SLC24A2: variants seen among roughly 807,000 people sequenced by gnomAD.
The protein encoded by SLC24A2 is solute carrier family 24 member 2.
SLC24A2 carries 36 observed loss-of-function variants against 62.0 expected under a neutral mutation model. The observed-to-expected ratio is 0.58, with a 90% confidence interval of 0.44 to 0.77. The LOEUF is 0.77. Ranked by LOEUF, SLC24A2 falls within the 30% of genes least tolerant of loss-of-function variation. The pLI, the probability that SLC24A2 is intolerant of heterozygous loss-of-function variation, is 0.00. For synonymous variants in SLC24A2, 358 were observed against 294.0 expected, an observed-to-expected ratio of 1.22 and a Z score of -2.23; for missense variants, 846 against 817.9, an observed-to-expected ratio of 1.03 and a Z score of -0.42.
chr9:19,649,742 GA>G (rs1818745757), intron 2 of SLC24A2, among the ~76,000 whole-genome samples: 1 of 152,214 alleles, frequency 6.6e-6, no homozygotes, highest in South Asian at 2.1e-4. Flanking sequence ...ATGGACAGCG[GA>G]AAGAAATAAG....
the SLC24A2 span, among the ~76,000 whole-genome samples, chr9:19,856,149 T>C: frequency 6.6e-6 from 1 of 152,230 alleles, no homozygotes; most frequent in Non-Finnish European, 1.5e-5. Context: ...TTTATGTTCC[T>C]CTCTAAACTG....
At chr9:19,914,102 G>A in the SLC24A2 span, among the ~76,000 whole-genome samples, 5 of 152,022 alleles carry the variant, frequency 3.3e-5, no homozygotes, top group Non-Finnish European at 5.9e-5. Context: ...TATCTAGTCC[G>A]TTACCAAATA....
the SLC24A2 span, among the ~76,000 whole-genome samples, chr9:19,812,739 G>C: frequency 1.3e-5 from 2 of 151,570 alleles, no homozygotes; most frequent in South Asian, 2.1e-4. Flanking sequence ...TTTATTACTA[G>C]ATAGCCTCCA....
Position 19,777,435 on chromosome 9 carries a change from G to T in SLC24A2, c.930+8502C>A, listed in dbSNP as rs75330724. Among the ~76,000 whole-genome samples the T allele has an allele frequency of 3.7e-3, 556 of 152,208 alleles. 2 individuals carry two copies. The highest frequency in any genetic ancestry group is 6.1e-3 in the Non-Finnish European group (416 of 67,994). On this transcript the variant is annotated intron_variant, in intron 2 of 10. Coordinates refer to ENST00000341998, the MANE Select transcript of SLC24A2 (RefSeq NM_020344.4). ...CTTGACCCAGAAATTCTGCTTCTAC[G>T]AAATCAGAAATTCATGTGTAAAGCT...
intron 4 of SLC24A2, among the ~76,000 whole-genome samples, chr9:19,608,483 G>C (rs1837052913): frequency 6.6e-6 from 1 of 152,318 alleles, no homozygotes. Flanking sequence ...AGACAGATGT[G>C]TGAACATGTG....
the SLC24A2 span, among the ~76,000 whole-genome samples, chr9:20,276,948 G>T: frequency 6.6e-6 from 1 of 152,192 alleles, no homozygotes; most frequent in East Asian, 1.9e-4. Flanking sequence ...CCTGGCCCAT[G>T]AAACCATTTT....
At chr9:20,147,153 C>T in the SLC24A2 span, among the ~76,000 whole-genome samples, 31 of 152,204 alleles carry the variant, frequency 2.0e-4, no homozygotes, top group African/African-American at 7.2e-4. Flanking sequence ...ACGAACTCAC[C>T]ACAAATGAAG....
intron 2 of SLC24A2, chr9:19,705,268 A>G (rs781383171): frequency 1.3e-5 from 2 of 152,510 alleles, no homozygotes; most frequent in Non-Finnish European, 2.9e-5. Context: ...TAAAAAGTTG[A>G]CTGATTGGGA....
intron 2 of SLC24A2, among the ~76,000 whole-genome samples, chr9:19,689,059 C>A (rs900448981): frequency 2.0e-5 from 3 of 152,100 alleles, no homozygotes; most frequent in African/African-American, 7.2e-5. Flanking sequence ...TTGCTTTAAT[C>A]CCCAGCTATT....
chr9:20,095,356 A>T, the SLC24A2 span, among the ~76,000 whole-genome samples: 1 of 152,222 alleles, frequency 6.6e-6, no homozygotes, highest in African/African-American at 2.4e-5. Flanking sequence ...CAGGGTGCCT[A>T]GATATTTGGT....
the SLC24A2 span, among the ~76,000 whole-genome samples, chr9:19,866,006 A>G: frequency 1.5e-4 from 23 of 152,230 alleles, no homozygotes; most frequent in Non-Finnish European, 3.1e-4. Flanking sequence ...TTGGGGGGAA[A>G]AATCTAATAA....
At chr9:20,244,203 A>G in the SLC24A2 span, among the ~76,000 whole-genome samples, 1 of 152,328 alleles carries the variant, frequency 6.6e-6, no homozygotes, top group Non-Finnish European at 1.5e-5. Flanking sequence ...AAAAGAAAAG[A>G]AAATATAAAC....
intron 2 of SLC24A2, among the ~76,000 whole-genome samples, chr9:19,736,490 G>A (rs919604643): frequency 6.6e-6 from 1 of 152,034 alleles, no homozygotes; most frequent in Non-Finnish European, 1.5e-5. Context: ...AAGAAGTCTG[G>A]TTTAGCAATA....
the SLC24A2 span, among the ~76,000 whole-genome samples, chr9:20,046,338 G>T: frequency 2.0e-5 from 3 of 152,190 alleles, no homozygotes; most frequent in Non-Finnish European, 4.4e-5. Flanking sequence ...AGACCCAGAA[G>T]GTTTCTCTGT....
At chr9:19,802,118 G>A in the SLC24A2 span, among the ~76,000 whole-genome samples, 1 of 152,328 alleles carries the variant, frequency 6.6e-6, no homozygotes, top group East Asian at 1.9e-4. Context: ...ATTGTAGGAT[G>A]TCTCAACAAC....
chr9:19,652,442 G>A (rs761255756), intron 2 of SLC24A2, among the ~76,000 whole-genome samples: 1 of 152,094 alleles, frequency 6.6e-6, no homozygotes, highest in Non-Finnish European at 1.5e-5. Flanking sequence ...GTCCTCATAA[G>A]AGGGAGGCAA....
At chr9:20,009,662 C>T in the SLC24A2 span, among the ~76,000 whole-genome samples, 1 of 152,144 alleles carries the variant, frequency 6.6e-6, no homozygotes, top group Admixed American at 6.5e-5. Context: ...GAACATCTGT[C>T]CCTGTCCAAT....
the SLC24A2 span, among the ~76,000 whole-genome samples, chr9:19,939,192 A>G: frequency 0.76 from 115,034 of 152,180 alleles, 44,049 homozygotes; most frequent in Non-Finnish European, 0.83. Context: ...GTGCCACCTA[A>G]GTGTTTGGCC....
At chr9:19,583,543 C>G (rs565716505) in intron 5 of SLC24A2, among the ~76,000 whole-genome samples, 4 of 152,080 alleles carry the variant, frequency 2.6e-5, no homozygotes, top group Non-Finnish European at 5.9e-5. Context: ...TTGGGTGCAA[C>G]AAATCCTTGT....
Sources: gnomAD v4.1 joint callset for allele counts (sites outside exome capture counted in the v4.1 genomes callset) on GRCh38, gnomAD v4.1.1 for gene constraint, MANE v1.5 for transcripts, NCBI Gene and HGNC (gene_info 2026-07-23, HGNC 2026-07-21) for gene names.